Variants in SPRY2 observed in about 807,000 individuals in gnomAD.
The protein encoded by SPRY2 is protein sprouty homolog 2.
A neutral mutation model predicts 23.4 loss-of-function variants in SPRY2; 10 were observed. The observed-to-expected ratio is 0.43, with a 90% CI of 0.26 to 0.73. The LOEUF (loss-of-function observed/expected upper bound fraction) is 0.73. SPRY2 is among the 30% of genes least tolerant of loss of function. SPRY2 has a pLI of 0.22. For missense variants in SPRY2, 344 were observed against 396.9 expected (o/e 0.87, Z 1.13); for synonymous variants, 170 against 156.9 (o/e 1.08, Z -0.62).
chr13:80,336,716 A>C lies in SPRY2; in HGVS notation c.*42T>G, dbSNP rs11911. On this transcript the variant is annotated 3_prime_UTR_variant, in exon 2 of 2. Coordinates refer to ENST00000377104, the MANE Select transcript of SPRY2 (RefSeq NM_005842.4). Reference sequence around the variant, plus strand: ...GTTGCATATGTGTATTAAAAAAAGAAAGAAAAAATCCTCATTACTGTAATA... The same window carrying C: ...GTTGCATATGTGTATTAAAAAAAGACAGAAAAAATCCTCATTACTGTAATA... 599,015 of 1,571,972 alleles carry C rather than the reference A, an allele frequency of 0.38. 118,873 individuals carry two copies. The highest frequency in any genetic ancestry group is 0.49 in the Admixed American group (27,468 of 55,646).
chr13:80,339,010 A>G (rs1347903475), intron 1 of SPRY2: 5 of 152,340 alleles, frequency 3.3e-5, no homozygotes, highest in Non-Finnish European at 5.9e-5. Context: ...TACGATCCCC[A>G]GACTCAGACA....
rs202166263 is a variant in SPRY2, at chr13:80,337,414, G to T, written c.292C>A (p.Gln98Lys). ...HRQPPRLQHS[Q>K]VHSSARAPLS... ...GGGGCTCGTGCAGAAGAATGGACCT[G>T]CGAGTGCTGGAGCCTAGGAGGCTGG... The change falls in exon 2 of 2, where the codon CAG becomes AAG. Residue 98 changes from glutamine (Q) to lysine (K), a missense_variant. Gln to Lys is a moderately conservative substitution (Grantham distance 53, BLOSUM62 1). Transcript: ENST00000377104. 2.5e-6 allele frequency: 4 copies of T among 1,614,184 alleles called. No homozygotes were observed. The highest frequency in any genetic ancestry group is 3.3e-5 in the Admixed American group (2 of 60,012).
chr13:80,337,963 T>G (rs1213136007), intron 1 of SPRY2, among the ~76,000 whole-genome samples: 2 of 152,162 alleles, frequency 1.3e-5, no homozygotes, highest in Non-Finnish European at 2.9e-5. Flanking sequence ...TGTAATCCTG[T>G]GATGTACAAC....
chr13:80,337,508 C>T lies in SPRY2; in HGVS notation c.198G>A (p.Gly66=), dbSNP rs758063438. 2 of 1,614,128 alleles carry T rather than the reference C, an allele frequency of 1.2e-6. No individual in the cohort carries two copies. The highest frequency in any genetic ancestry group is 2.2e-5 in the East Asian group (1 of 44,848). Residue 66 remains glycine, a synonymous_variant, in exon 2 of 2, where the codon GGG becomes GGA. Transcript: ENST00000377104. ...TGGAGGGGCGAGGAGCAGGCTTGAG[C>T]CCAGGTCTTGGGACGACAGTAGGCC... ...TEGPTVVPRP[G]LKPAPRPSTQ...
At chr13:80,337,777 G>A in intron 1 of SPRY2, 21 bp from the exon 2 acceptor site, 2 of 1,406,752 alleles carry the variant, frequency 1.4e-6, no homozygotes, top group South Asian at 2.3e-5. Context: ...CAAGAGGAAA[G>A]AACGGTTGAT....
Position 80,336,671 on chromosome 13 carries a change from A to C in SPRY2, c.*87T>G. ...TCCCACCTTTCTATTAACAGTGCCA[A>C]GATTATAACTGTTTAGTTGGTTGCA... On this transcript the variant is annotated 3_prime_UTR_variant, in exon 2 of 2. Coordinates refer to ENST00000377104, the MANE Select transcript of SPRY2 (RefSeq NM_005842.4). The C allele has an allele frequency of 7.5e-7, 1 of 1,329,696 alleles. No homozygotes were observed. The highest frequency in any genetic ancestry group is 1.8e-4 in the Middle Eastern group (1 of 5,608). The allele number at this position is 1,329,696 out of a possible 1,614,324, so 82.4% of individuals were successfully genotyped here. A position where few individuals can be genotyped will look rare whatever the true frequency, so the allele number is the denominator to read the frequency against.
chr13:80,338,196 A>G (rs1213707662), intron 1 of SPRY2, among the ~76,000 whole-genome samples: 1 of 152,216 alleles, frequency 6.6e-6, no homozygotes, highest in Non-Finnish European at 1.5e-5. Context: ...AACCTAGAAG[A>G]TTCTTTCTTG....
At chr13:80,340,305 C>G (rs1242280341) in intron 1 of SPRY2, among the ~76,000 whole-genome samples, 2 of 152,268 alleles carry the variant, frequency 1.3e-5, no homozygotes, top group Admixed American at 1.3e-4. Flanking sequence ...GAATTCGCGG[C>G]CAGTGCACGG....
In SPRY2 at chr13:80,336,207, A is replaced by G. The variant is rs1353422220; in HGVS notation, c.*551T>C. On this transcript the variant is annotated 3_prime_UTR_variant, in exon 2 of 2. Coordinates refer to ENST00000377104, the MANE Select transcript of SPRY2 (RefSeq NM_005842.4). ...GGTTGAATTTTACTGTAACTGTACA[A>G]TATACATGAAGTCCAAAGGGAAATC... is the stretch of plus-strand genomic sequence containing the variant. 1.8e-5 allele frequency: 3 copies of G among 164,904 alleles called. No homozygotes were observed. Among genetic ancestry groups the G allele is most frequent in the African/African-American group, 4.8e-5 (2 of 41,532 alleles). 10.2% of individuals were successfully genotyped at this position (164,904 alleles called of 1,614,324 possible).
intron 1 of SPRY2, among the ~76,000 whole-genome samples, chr13:80,339,933 T>G (rs535324236): frequency 1.3e-5 from 2 of 152,214 alleles, no homozygotes; most frequent in African/African-American, 2.4e-5. Context: ...CTTCCAAAAA[T>G]AAAATAAGTG....
Position 80,336,598 on chromosome 13 carries a change from A to T in SPRY2, c.*160T>A. The T allele has an allele frequency of 1.2e-6, 1 of 800,100 alleles. No homozygotes were observed. Among genetic ancestry groups the T allele is most frequent in the Non-Finnish European group, 2.0e-6 (1 of 489,962 alleles). 49.6% of individuals were successfully genotyped at this position (800,100 alleles called of 1,614,324 possible). A position where few individuals can be genotyped will look rare whatever the true frequency, so the allele number is the denominator to read the frequency against. ...CTGAGTTCTAACAAGCATATCAGTT[A>T]AAACGGCACATGGACAAAAAGCATT... is the stretch of plus-strand genomic sequence containing the variant. On this transcript the variant is annotated 3_prime_UTR_variant, in exon 2 of 2. Transcript: ENST00000377104.
Position 80,337,763 on chromosome 13 carries a change from A to G in SPRY2, c.-51-7T>C, listed in dbSNP as rs73558932. On this transcript the variant is annotated splice_polypyrimidine_tract_variant and splice_region_variant and intron_variant, in intron 1 of 1. Coordinates refer to ENST00000377104, the MANE Select transcript of SPRY2 (RefSeq NM_005842.4). ...TTAGAACACATCTGAACTCCTGAGG[A>G]AGCCAAGAGGAAAGAACGGTTGATA... 11,719 of 1,520,940 alleles carry G rather than the reference A, an allele frequency of 7.7e-3. 702 individuals carry two copies. The African/African-American group carries it at 0.13, about 17-fold the overall frequency. The allele number at this position is 1,520,940 out of a possible 1,614,324, so 94.2% of individuals were successfully genotyped here. A position where few individuals can be genotyped will look rare whatever the true frequency, so the allele number is the denominator to read the frequency against.
At chr13:80,338,043 T>C (rs1362000109) in intron 1 of SPRY2, among the ~76,000 whole-genome samples, 2 of 152,188 alleles carry the variant, frequency 1.3e-5, no homozygotes, top group Non-Finnish European at 2.9e-5. Context: ...ATTTGTAAGG[T>C]TCAGGTTCAA....
At chr13:80,340,561 C>T (rs1201083756) in intron 1 of SPRY2, 61 bp downstream of exon 1, 2 of 152,312 alleles carry the variant, frequency 1.3e-5, no homozygotes, top group African/African-American at 2.4e-5. Context: ...TGCACCTACT[C>T]CATGTTGCCC....
At chr13:80,339,373 C>T (rs1237226470) in intron 1 of SPRY2, 1 of 147,888 alleles carries the variant, frequency 6.8e-6, no homozygotes, top group Non-Finnish European at 1.5e-5. Context: ...CCTTTTGGGT[C>T]GAGAGAAAAA....
intron 1 of SPRY2, among the ~76,000 whole-genome samples, chr13:80,339,890 G>A (rs958543999): frequency 7.2e-5 from 11 of 152,264 alleles, no homozygotes; most frequent in Non-Finnish European, 1.3e-4. Flanking sequence ...GCGACCGCTT[G>A]ATGACTTTCT....
At position 80,337,537 on chromosome 13, in the gene SPRY2, C is replaced by T; in HGVS notation, c.169G>A (p.Glu57Lys). ...GGTCTTGGGACGACAGTAGGCCCCT[C>T]TGTGTACTCATTGGTGTTTCGGATG... ...RAIRNTNEYT[E>K]GPTVVPRPGL... Residue 57 changes from glutamate (E) to lysine (K), a missense_variant, in exon 2 of 2, where the codon GAG becomes AAG. By Grantham distance (56) the Glu-to-Lys change is moderately conservative. Coordinates refer to ENST00000377104, the MANE Select transcript of SPRY2 (RefSeq NM_005842.4). The T allele has an allele frequency of 6.2e-7, 1 of 1,614,142 alleles. No homozygotes were observed. Among genetic ancestry groups the T allele is most frequent in the Non-Finnish European group, 8.5e-7 (1 of 1,180,030 alleles).
At position 80,337,700 on chromosome 13, in the gene SPRY2, C is replaced by A. The variant is rs1389050196; in HGVS notation, c.6G>T (p.Glu2Asp). M[E>D]ARAQSGNGSQ... The stretch of plus-strand genomic sequence containing the variant: ...ACCCGTTGCCACTCTGAGCTCTGGC[C>A]TCCATCAGGTCTTGGAAGTGTGGTC... The change falls in exon 2 of 2, where the codon GAG becomes GAT. Residue 2 changes from glutamate to aspartate, a missense_variant. Transcript: ENST00000377104. 1.2e-6 allele frequency: 2 copies of A among 1,609,940 alleles called. No individual in the cohort carries two copies. Among genetic ancestry groups the A allele is most frequent in the South Asian group, 1.1e-5 (1 of 91,086 alleles).
chr13:80,337,199 T>G lies in SPRY2; in HGVS notation c.507A>C (p.Glu169Asp), dbSNP rs1411535804. The G allele has an allele frequency of 5.6e-6, 9 of 1,611,826 alleles. No homozygotes were observed. Among genetic ancestry groups the G allele is most frequent in the Middle Eastern group, 1.7e-4 (1 of 6,052 alleles). ...ACCTGTAGGCGTGCAGGCCCAAATC[T>G]TCCTTGCTCAGTGGCTTAAGCTCAC... ...KPGELKPLSK[E>D]DLGLHAYRCE... The change falls in exon 2 of 2, where the codon GAA becomes GAC. Residue 169 changes from glutamate (E) to aspartate (D), a missense_variant. Physicochemically the swap from Glu to Asp is conservative, Grantham distance 45. Coordinates refer to ENST00000377104, the MANE Select transcript of SPRY2 (RefSeq NM_005842.4).
Sources: allele counts gnomAD v4.1 joint callset (sites outside exome capture counted in the v4.1 genomes callset), GRCh38; gene constraint gnomAD v4.1.1; transcripts MANE v1.5; gene names NCBI Gene and HGNC (gene_info 2026-07-23, HGNC 2026-07-21).